The following CLSTN2 variants were observed in gnomAD, a reference collection of about 807,000 sequenced individuals.
CLSTN2 encodes calsyntenin 2.
A neutral mutation model predicts 101.2 loss-of-function variants in CLSTN2; 48 were observed. The observed-to-expected ratio is 0.47, with a 90% CI of 0.38 to 0.60. The LOEUF (loss-of-function observed/expected upper bound fraction) is 0.60. Among genes scored for constraint, CLSTN2 ranks in the 20% least tolerant of loss-of-function variants. The probability of loss-of-function intolerance (pLI) is 0.00; values close to 1 mark genes in which losing one functional copy is unlikely to be tolerated. For synonymous variants in CLSTN2, 481 were observed against 463.6 expected (o/e 1.04, Z -0.48); for missense variants, 1,160 against 1,238.2 (o/e 0.94, Z 0.95).
chr3:140,562,012 C>G, intron 12 of CLSTN2, 126 bp from the exon 13 acceptor site: 1 of 727,586 alleles, frequency 1.4e-6, no homozygotes, highest in Non-Finnish European at 2.3e-6. Context: ...TATTTGGGAT[C>G]ACACAGACTC....
At chr3:140,515,839 T>C (rs536643778) in intron 8 of CLSTN2, among the ~76,000 whole-genome samples, 23 of 152,060 alleles carry the variant, frequency 1.5e-4, no homozygotes, top group Non-Finnish European at 2.9e-4. Flanking sequence ...GTTCTGTAAA[T>C]ATCTGTTAAG....
intron 5 of CLSTN2, among the ~76,000 whole-genome samples, chr3:140,447,976 C>T (rs1268192173): frequency 6.6e-6 from 1 of 152,106 alleles, no homozygotes; most frequent in Non-Finnish European, 1.5e-5. Flanking sequence ...CACAAATTTA[C>T]CTATATAACA....
intron 5 of CLSTN2, among the ~76,000 whole-genome samples, chr3:140,432,576 C>A (rs528398203): frequency 6.6e-6 from 1 of 152,148 alleles, no homozygotes; most frequent in African/African-American, 2.4e-5. Context: ...CCGTGAATAA[C>A]GACCTGTTTT....
At chr3:140,194,074 G>A (rs1182433110) in intron 2 of CLSTN2, among the ~76,000 whole-genome samples, 9 of 152,106 alleles carry the variant, frequency 5.9e-5, no homozygotes, top group Non-Finnish European at 1.3e-4. Context: ...GACCATACAT[G>A]TGTTTTTATC....
At chr3:139,998,563 C>T (rs2006744838) in intron 1 of CLSTN2, among the ~76,000 whole-genome samples, 1 of 151,650 alleles carries the variant, frequency 6.6e-6, no homozygotes, top group Non-Finnish European at 1.5e-5. Context: ...CCAGGATGGT[C>T]TCTATCTCCT....
At chr3:140,356,029 A>G (rs1028902787) in intron 2 of CLSTN2, among the ~76,000 whole-genome samples, 1 of 152,228 alleles carries the variant, frequency 6.6e-6, no homozygotes, top group Non-Finnish European at 1.5e-5. Flanking sequence ...CCTTCCAGAA[A>G]TCTTCCAGGG....
chr3:140,518,887 A>AGTTT (rs921588331), intron 8 of CLSTN2, among the ~76,000 whole-genome samples: 2 of 151,848 alleles, frequency 1.3e-5, no homozygotes, highest in African/African-American at 4.8e-5. Context: ...CTAGCTTTGG[A>AGTTT]GTTTGTTTGC....
At chr3:139,965,153 A>G (rs1282525797) in intron 1 of CLSTN2, among the ~76,000 whole-genome samples, 2 of 152,212 alleles carry the variant, frequency 1.3e-5, no homozygotes, top group Non-Finnish European at 2.9e-5. Context: ...AATTCTGTTC[A>G]AAGCTGTTTA....
intron 1 of CLSTN2, among the ~76,000 whole-genome samples, chr3:140,040,027 T>C (rs754864426): frequency 6.6e-6 from 1 of 152,204 alleles, no homozygotes; most frequent in Admixed American, 6.5e-5. Context: ...GTAAAATTCA[T>C]TGTCCATCTT....
chr3:140,288,737 A>T (rs1234170187), intron 2 of CLSTN2, among the ~76,000 whole-genome samples: 2 of 152,186 alleles, frequency 1.3e-5, no homozygotes, highest in African/African-American at 4.8e-5. Flanking sequence ...ATGTTCCATT[A>T]ACAATTTCTG....
At chr3:140,228,121 T>C (rs1559812387) in intron 2 of CLSTN2, among the ~76,000 whole-genome samples, 1 of 152,220 alleles carries the variant, frequency 6.6e-6, no homozygotes, top group Non-Finnish European at 1.5e-5. Context: ...CTCTATCTCA[T>C]TGTCAGGCTG....
At chr3:140,262,478 A>T (rs1316570190) in intron 2 of CLSTN2, among the ~76,000 whole-genome samples, 1 of 102,374 alleles carries the variant, frequency 9.8e-6, no homozygotes, top group Non-Finnish European at 2.0e-5. Flanking sequence ...ATTTTTTATG[A>T]TGAATTATGA....
At chr3:140,268,284 T>A (rs2086713399) in intron 2 of CLSTN2, among the ~76,000 whole-genome samples, 1 of 152,102 alleles carries the variant, frequency 6.6e-6, no homozygotes, top group African/African-American at 2.4e-5. Context: ...GCAGTGGATG[T>A]GTGTGCATGC....
intron 1 of CLSTN2, among the ~76,000 whole-genome samples, chr3:140,161,978 TAAC>T (rs2010053861): frequency 6.6e-6 from 1 of 152,158 alleles, no homozygotes; most frequent in African/African-American, 2.4e-5. Context: ...TTGACCAAAA[TAAC>T]AAACTTTTTA....
At chr3:140,136,919 A>G (rs2009623805) in intron 1 of CLSTN2, among the ~76,000 whole-genome samples, 1 of 152,182 alleles carries the variant, frequency 6.6e-6, no homozygotes, top group Non-Finnish European at 1.5e-5. Context: ...CACTGAAGAG[A>G]TGGCTGAAGT....
At chr3:140,293,557 G>A (rs909487016) in intron 2 of CLSTN2, among the ~76,000 whole-genome samples, 2 of 152,208 alleles carry the variant, frequency 1.3e-5, no homozygotes, top group East Asian at 3.9e-4. Flanking sequence ...GCCTAAGTGA[G>A]CAGTGGAAAG....
At chr3:140,119,690 G>A (rs1322428772) in intron 1 of CLSTN2, among the ~76,000 whole-genome samples, 1 of 152,138 alleles carries the variant, frequency 6.6e-6, no homozygotes, top group South Asian at 2.1e-4. Flanking sequence ...TGTATTTTTT[G>A]TGGAGACAGG....
intron 2 of CLSTN2, among the ~76,000 whole-genome samples, chr3:140,317,402 C>T (rs757088232): frequency 1.2e-4 from 18 of 152,252 alleles, no homozygotes; most frequent in Middle Eastern, 3.4e-3. Flanking sequence ...AGCCATAGAC[C>T]TGCTGGCAGC....
intron 2 of CLSTN2, among the ~76,000 whole-genome samples, chr3:140,292,642 A>G (rs1009193691): frequency 1.3e-5 from 2 of 152,240 alleles, no homozygotes; most frequent in Non-Finnish European, 2.9e-5. Flanking sequence ...GAAAACTTGG[A>G]TGTAAATTCA....
Sources: allele counts gnomAD v4.1 joint callset (sites outside exome capture counted in the v4.1 genomes callset), GRCh38; gene constraint gnomAD v4.1.1; transcripts MANE v1.5; gene names NCBI Gene and HGNC (gene_info 2026-07-23, HGNC 2026-07-21).